PBX3: variants seen among roughly 807,000 people sequenced by gnomAD.
PBX3 encodes the protein pre-B-cell leukemia transcription factor 3.
PBX3 carries 14 observed loss-of-function variants against 48.5 expected under a neutral mutation model. The observed-to-expected ratio is 0.29, with a 90% CI of 0.19 to 0.45. The LOEUF (loss-of-function observed/expected upper bound fraction) is 0.45. PBX3 is among the 20% of genes least tolerant of loss of function. PBX3 has a pLI of 1.00. For synonymous variants in PBX3, 210 were observed against 200.3 expected (o/e 1.05, Z -0.41); for missense variants, 386 against 546.7 (o/e 0.71, Z 2.93).
In PBX3 at chr9:125,935,420, T is replaced by A. The variant is rs1841814346; in HGVS notation, c.708-52T>A. On this transcript the variant is annotated intron_variant, in intron 4 of 8. Transcript: ENST00000373489. ...TATCATCCTAATTAACCCATCCCTC[T>A]TAGGTTAATGCTGATTGTAACTGCA... 1.9e-6 allele frequency: 3 copies of A among 1,559,532 alleles called. No homozygotes were observed. The South Asian group carries it at 3.4e-5, about 18-fold the overall frequency.
At chr9:125,897,440 T>A (rs1840801237) in intron 2 of PBX3, among the ~76,000 whole-genome samples, 2 of 151,872 alleles carry the variant, frequency 1.3e-5, no homozygotes, top group South Asian at 4.1e-4. Flanking sequence ...TGGCAAATGA[T>A]CTGAGTGTGA....
intron 5 of PBX3, 99 bp downstream of exon 5, chr9:125,935,706 A>G (rs1172778166): frequency 3.5e-6 from 4 of 1,134,572 alleles, no homozygotes; most frequent in African/African-American, 3.1e-5. Flanking sequence ...CAAATGTTCT[A>G]TCATCAAAAA....
At chr9:125,793,333 C>G (rs1451023025) in intron 2 of PBX3, among the ~76,000 whole-genome samples, 1 of 129,922 alleles carries the variant, frequency 7.7e-6, no homozygotes, top group Non-Finnish European at 1.6e-5. Flanking sequence ...GCCTGGGTGA[C>G]AGAGTGAGAC....
In PBX3 at chr9:125,747,463, C is replaced by G. The variant is rs1451675407; in HGVS notation, c.10C>G (p.Gln4Glu). ...GCCCGCGCGCGGCGGGATGGACGAT[C>G]AATCCAGGATGCTGCAGACTCTGGC... MDDQSRMLQTLAGV... is the reference protein window; with the variant it reads MDDESRMLQTLAGV... The change falls in exon 1 of 9, where the codon CAA (glutamine) becomes GAA (glutamate). Residue 4 changes from glutamine (Q) to glutamate (E), a missense_variant. Physicochemically the swap from Gln to Glu is conservative, Grantham distance 29 (BLOSUM62 2). Transcript: ENST00000373489. 1.3e-6 allele frequency: 2 copies of G among 1,517,612 alleles called. No individual in the cohort carries two copies. The highest frequency in any genetic ancestry group is 1.8e-6 in the Non-Finnish European group (2 of 1,131,836). The allele number at this position is 1,517,612 out of a possible 1,614,324, so 94.0% of individuals were successfully genotyped here. A position where few individuals can be genotyped will look rare whatever the true frequency, so the allele number is the denominator to read the frequency against.
intron 2 of PBX3, among the ~76,000 whole-genome samples, chr9:125,783,995 T>C (rs1196818612): frequency 2.0e-5 from 3 of 152,090 alleles, no homozygotes; most frequent in African/African-American, 7.2e-5. Context: ...ATGGAGACTT[T>C]GTTTCAAAAG....
At chr9:125,834,822 C>T (rs527381116) in intron 2 of PBX3, among the ~76,000 whole-genome samples, 2 of 149,850 alleles carry the variant, frequency 1.3e-5, no homozygotes, top group Non-Finnish European at 3.0e-5. Flanking sequence ...TTGAGACCAG[C>T]CTGCCCAACA....
intron 2 of PBX3, among the ~76,000 whole-genome samples, chr9:125,826,508 T>C (rs1304249412): frequency 6.6e-6 from 1 of 152,202 alleles, no homozygotes; most frequent in South Asian, 2.1e-4. Context: ...ATACATAAGA[T>C]ATATTTCATA....
chr9:125,933,332 C>T (rs1441206999), intron 4 of PBX3, among the ~76,000 whole-genome samples: 2 of 151,286 alleles, frequency 1.3e-5, no homozygotes, highest in African/African-American at 2.4e-5. Context: ...TGTGTAGGTC[C>T]GTCTCCTCTT....
chr9:125,915,035 T>A (rs1452207853), intron 2 of PBX3, among the ~76,000 whole-genome samples: 1 of 152,192 alleles, frequency 6.6e-6, no homozygotes, highest in Non-Finnish European at 1.5e-5. Context: ...TTTAATACTG[T>A]ATTTAGTATC....
At chr9:125,779,292 G>A (rs936013622) in intron 2 of PBX3, among the ~76,000 whole-genome samples, 2 of 137,986 alleles carry the variant, frequency 1.4e-5, no homozygotes, top group African/African-American at 2.8e-5. Context: ...ATCATTCTTG[G>A]GTGTTTCTCG....
intron 2 of PBX3, among the ~76,000 whole-genome samples, chr9:125,805,758 A>C (rs1322505822): frequency 2.6e-5 from 4 of 152,136 alleles, no homozygotes; most frequent in Non-Finnish European, 5.9e-5. Flanking sequence ...TGGGAATAAT[A>C]GGTTTTGGGG....
At chr9:125,812,958 C>T (rs1838337147) in intron 2 of PBX3, among the ~76,000 whole-genome samples, 1 of 152,166 alleles carries the variant, frequency 6.6e-6, no homozygotes, top group Admixed American at 6.5e-5. Flanking sequence ...GAAAATTGCT[C>T]AGTGAGTGAG....
At chr9:125,869,891 CATGT>C (rs1436798467) in intron 2 of PBX3, among the ~76,000 whole-genome samples, 1 of 152,026 alleles carries the variant, frequency 6.6e-6, no homozygotes, top group Non-Finnish European at 1.5e-5. Flanking sequence ...AAGGGTAAAC[CATGT>C]GTATTAGTCC....
intron 3 of PBX3, among the ~76,000 whole-genome samples, chr9:125,917,544 T>C (rs1397371323): frequency 6.6e-6 from 1 of 152,214 alleles, no homozygotes; most frequent in Non-Finnish European, 1.5e-5. Context: ...TCTCTTCTTT[T>C]ATTCTTTCCT....
chr9:125,913,913 G>T (rs1248604218), intron 2 of PBX3, among the ~76,000 whole-genome samples: 1 of 152,160 alleles, frequency 6.6e-6, no homozygotes, highest in Non-Finnish European at 1.5e-5. Flanking sequence ...TCAAAGTGCA[G>T]CATAAGAGAT....
intron 2 of PBX3, among the ~76,000 whole-genome samples, chr9:125,822,194 A>G (rs1470908354): frequency 2.0e-5 from 3 of 152,290 alleles, no homozygotes; most frequent in Admixed American, 6.5e-5. Context: ...TGGGTAGTAA[A>G]TGGTGGCAGA....
intron 2 of PBX3, among the ~76,000 whole-genome samples, chr9:125,909,153 A>G (rs1287163795): frequency 6.6e-6 from 1 of 152,120 alleles, no homozygotes; most frequent in East Asian, 1.9e-4. Flanking sequence ...CTGCTCCTTC[A>G]TCTTGGCTGC....
chr9:125,841,413 C>T (rs1274538269), intron 2 of PBX3, among the ~76,000 whole-genome samples: 2 of 152,178 alleles, frequency 1.3e-5, no homozygotes, highest in African/African-American at 4.8e-5. Flanking sequence ...TAATCTAGCA[C>T]ACCCTAGGTA....
chr9:125,858,622 A>T (rs376285159), intron 2 of PBX3, among the ~76,000 whole-genome samples: 426 of 117,752 alleles, frequency 3.6e-3, no homozygotes, highest in Admixed American at 0.01. Flanking sequence ...ACTTTGGTCC[A>T]TTTTTTTTTT....
Sources: allele counts gnomAD v4.1 joint callset (sites outside exome capture counted in the v4.1 genomes callset), GRCh38; gene constraint gnomAD v4.1.1; transcripts MANE v1.5; gene names NCBI Gene and HGNC (gene_info 2026-07-23, HGNC 2026-07-21).